HNF1B: variants seen among roughly 807,000 people sequenced by gnomAD.
HNF1B encodes the protein HNF1 homeobox B, also known as hepatocyte nuclear factor 1-beta.
In HNF1B, 8 loss-of-function variants were observed where a neutral mutation model predicts 61.7. That is an observed-to-expected ratio of 0.13 (90% confidence interval 0.08 to 0.23). The LOEUF (loss-of-function observed/expected upper bound fraction) is 0.23. Among genes scored for constraint, HNF1B ranks in the 10% least tolerant of loss-of-function variants. HNF1B has a pLI of 1.00. For synonymous variants in HNF1B, 314 were observed against 287.7 expected (o/e 1.09, Z -0.93); for missense variants, 562 against 714.5 (o/e 0.79, Z 2.43).
intron 4 of HNF1B, among the ~76,000 whole-genome samples, chr17:37,711,273 C>T (rs976191120): frequency 2.8e-4 from 43 of 152,318 alleles, no homozygotes; most frequent in Middle Eastern, 3.4e-3. Context: ...GATGAAGCTG[C>T]GTCTAGGAGC....
rs2033694568 is a variant in HNF1B at position 37,731,797 on chromosome 17, G to A, written c.843C>T (p.Ser281=). 1 of 1,613,868 alleles carries A rather than the reference G, an allele frequency of 6.2e-7. No homozygotes were observed. The highest frequency in any genetic ancestry group is 1.7e-5 in the Admixed American group (1 of 60,000). Residue 281 remains serine, a synonymous_variant, in exon 4 of 9, where the codon TCC becomes TCT. Coordinates refer to ENST00000617811, the MANE Select transcript of HNF1B (RefSeq NM_000458.4). ...AGTTGGAGCCCAGGCCGTGGGCTTT[G>A]GAGGGGGACACCCCTCGCTGCAAAC... ...AECLQRGVSP[S]KAHGLGSNLV...
At chr17:37,720,627 G>C (rs1270838033) in intron 4 of HNF1B, 2 of 223,666 alleles carry the variant, frequency 8.9e-6, no homozygotes, top group Non-Finnish European at 1.5e-5. Flanking sequence ...CATATGCTTT[G>C]ACAGGAAGCC....
At chr17:37,719,871 A>T (rs2147503250) in intron 4 of HNF1B, among the ~76,000 whole-genome samples, 1 of 152,322 alleles carries the variant, frequency 6.6e-6, no homozygotes, top group East Asian at 1.9e-4. Flanking sequence ...CAGGGAGAAG[A>T]TCCTTTGAGG....
At chr17:37,719,846 C>G (rs922213088) in intron 4 of HNF1B, among the ~76,000 whole-genome samples, 1 of 152,244 alleles carries the variant, frequency 6.6e-6, no homozygotes, top group Non-Finnish European at 1.5e-5. Context: ...AAAGACCGTA[C>G]TGGGAGATGA....
chr17:37,709,114 T>C (rs890188413), intron 5 of HNF1B, among the ~76,000 whole-genome samples: 2 of 152,164 alleles, frequency 1.3e-5, no homozygotes, highest in Non-Finnish European at 2.9e-5. Flanking sequence ...ACCCAAAGAA[T>C]AGAGCTTTCC....
intron 4 of HNF1B, among the ~76,000 whole-genome samples, chr17:37,711,536 G>C (rs2032935043): frequency 6.6e-6 from 1 of 152,218 alleles, no homozygotes. Flanking sequence ...AAAAGTTCTG[G>C]ACAGAGATCA....
chr17:37,732,234 G>A (rs938059477), intron 3 of HNF1B, among the ~76,000 whole-genome samples: 5 of 152,192 alleles, frequency 3.3e-5, no homozygotes, highest in Admixed American at 2.0e-4. Context: ...AAAGCACTTC[G>A]AGAGGATTTC....
intron 4 of HNF1B, among the ~76,000 whole-genome samples, chr17:37,716,842 ATCTCTC>A (rs55634127): frequency 0.033 from 4,380 of 131,182 alleles, 76 homozygotes; most frequent in Admixed American, 0.078. Context: ...CACTTTAACA[ATCTCTC>A]TCTCTCTCTC....
At chr17:37,698,911 C>CTTTTTT (rs11350722) in intron 8 of HNF1B, among the ~76,000 whole-genome samples, 165 bp downstream of exon 8, 1 of 150,052 alleles carries the variant, frequency 6.7e-6, no homozygotes. Flanking sequence ...GCCTGTGGCC[C>CTTTTTT]TTTTTTTTTT....
chr17:37,734,160 G>A (rs2033769390), intron 2 of HNF1B, among the ~76,000 whole-genome samples: 1 of 152,198 alleles, frequency 6.6e-6, no homozygotes, highest in South Asian at 2.1e-4. Flanking sequence ...TGTATTTGAT[G>A]TCAAGTGGGT....
chr17:37,700,837 T>G, intron 7 of HNF1B, 146 bp downstream of exon 7: 13 of 756,816 alleles, frequency 1.7e-5, no homozygotes, highest in Non-Finnish European at 2.3e-5. Flanking sequence ...GAGTTATGCT[T>G]GAGAAATTGT....
chr17:37,713,815 C>T (rs1421267280), intron 4 of HNF1B, among the ~76,000 whole-genome samples: 1 of 152,218 alleles, frequency 6.6e-6, no homozygotes, highest in Non-Finnish European at 1.5e-5. Flanking sequence ...GCTCCTCTCA[C>T]CAAGCATGTG....
intron 8 of HNF1B, among the ~76,000 whole-genome samples, chr17:37,690,301 G>A (rs182763762): frequency 6.6e-6 from 1 of 152,226 alleles, no homozygotes; most frequent in East Asian, 1.9e-4. Flanking sequence ...GGTGATGGAG[G>A]GAGGAAGGAG....
intron 4 of HNF1B, among the ~76,000 whole-genome samples, chr17:37,728,338 G>A (rs12943407): frequency 0.12 from 18,094 of 145,522 alleles, 1,397 homozygotes; most frequent in South Asian, 0.24. Flanking sequence ...ACGGAGTCTC[G>A]CTCTGTCACC....
chr17:37,738,255 C>T (rs2033892591), intron 2 of HNF1B, among the ~76,000 whole-genome samples: 1 of 151,258 alleles, frequency 6.6e-6, no homozygotes, highest in Non-Finnish European at 1.5e-5. Context: ...AAACAGCTCT[C>T]ATGTTGCTTC....
At chr17:37,699,612 A>G (rs2032498268) in intron 7 of HNF1B, among the ~76,000 whole-genome samples, 2 of 152,026 alleles carry the variant, frequency 1.3e-5, no homozygotes, top group African/African-American at 2.4e-5. Context: ...GCTGGTGACC[A>G]CTCTCTGACT....
In HNF1B at chr17:37,692,787, G is replaced by A. The variant is rs3110634; in HGVS notation, c.1654-5395C>T. 5.0e-3 allele frequency among the ~76,000 whole-genome samples: 763 copies of A among 152,284 alleles called. 8 individuals are homozygous for A. The highest frequency in any genetic ancestry group is 0.017 in the African/African-American group (725 of 41,564). On this transcript the variant is annotated intron_variant, in intron 8 of 8. Transcript: ENST00000617811. ...GGAGAATGGGAAACAGGGATCCGGA[G>A]CCCAGGCCCAAGAGGTAGGATGTGC...
intron 1 of HNF1B, among the ~76,000 whole-genome samples, chr17:37,741,490 G>A (rs1451353008): frequency 6.6e-6 from 1 of 152,170 alleles, no homozygotes; most frequent in African/African-American, 2.4e-5. Flanking sequence ...AGTTTCAAAC[G>A]TGGAGAATTC....
intron 2 of HNF1B, among the ~76,000 whole-genome samples, chr17:37,738,180 A>G (rs2033890086): frequency 6.6e-6 from 1 of 152,038 alleles, no homozygotes; most frequent in Admixed American, 6.5e-5. Context: ...ACAAATTCTT[A>G]AAGAGCTAGT....
Sources: allele counts gnomAD v4.1 joint callset (sites outside exome capture counted in the v4.1 genomes callset), GRCh38; gene constraint gnomAD v4.1.1; transcripts MANE v1.5; gene names NCBI Gene and HGNC (gene_info 2026-07-23, HGNC 2026-07-21).